Variants in NOX4 observed in about 807,000 individuals in gnomAD.
NOX4 encodes the protein NADPH oxidase 4, also known as kidney oxidase-1.
A neutral mutation model predicts 87.6 loss-of-function variants in NOX4; 69 were observed. The observed-to-expected ratio is 0.79, with a 90% confidence interval of 0.65 to 0.96. The LOEUF (loss-of-function observed/expected upper bound fraction) is 0.96. Among genes scored for constraint, NOX4 ranks in the 40% least tolerant of loss-of-function variants. NOX4 has a pLI of 0.00. For synonymous variants in NOX4, 275 were observed against 238.2 expected, an observed-to-expected ratio of 1.15 and a Z score of -1.42; for missense variants, 680 against 681.5, an observed-to-expected ratio of 1.00 and a Z score of 0.02.
intron 12 of NOX4, among the ~76,000 whole-genome samples, chr11:89,356,648 A>G (rs1938081826): frequency 6.6e-6 from 1 of 152,164 alleles, no homozygotes; most frequent in Non-Finnish European, 1.5e-5. Context: ...CACTCCCAGT[A>G]CAACTTGTGC....
intron 2 of NOX4, among the ~76,000 whole-genome samples, chr11:89,454,193 T>C (rs1565313377): frequency 6.6e-6 from 1 of 152,142 alleles, no homozygotes; most frequent in African/African-American, 2.4e-5. Flanking sequence ...TGTTTTAACC[T>C]TTTTCTCTAA....
At chr11:89,416,466 C>T (rs1480419896) in intron 8 of NOX4, among the ~76,000 whole-genome samples, 1 of 152,178 alleles carries the variant, frequency 6.6e-6, no homozygotes, top group African/African-American at 2.4e-5. Context: ...TATCAGCAGT[C>T]CTTAACACTT....
At chr11:89,579,857 T>C in the NOX4 span, among the ~76,000 whole-genome samples, 4 of 151,778 alleles carry the variant, frequency 2.6e-5, no homozygotes, top group Admixed American at 6.6e-5. Context: ...ATTATGAGTA[T>C]ACACCTATAG....
intron 15 of NOX4, among the ~76,000 whole-genome samples, chr11:89,338,928 C>A (rs1262169129): frequency 6.6e-6 from 1 of 152,124 alleles, no homozygotes; most frequent in Non-Finnish European, 1.5e-5. Flanking sequence ...AATCTCAGAA[C>A]CTGATGCTGG....
intron 7 of NOX4, among the ~76,000 whole-genome samples, chr11:89,425,248 T>C (rs1943312564): frequency 6.6e-6 from 1 of 151,884 alleles, no homozygotes; most frequent in Non-Finnish European, 1.5e-5. Context: ...TGTTAGTGAG[T>C]TGCCTTTCTG....
chr11:89,452,793 C>T (rs1174535090), intron 2 of NOX4, among the ~76,000 whole-genome samples: 3 of 152,062 alleles, frequency 2.0e-5, no homozygotes, highest in Admixed American at 2.0e-4. Flanking sequence ...GGGCTCACTG[C>T]AGCCCCTTCC....
chr11:89,392,220 C>A (rs1022505937), intron 11 of NOX4, among the ~76,000 whole-genome samples: 2 of 151,970 alleles, frequency 1.3e-5, no homozygotes, highest in African/African-American at 4.8e-5. Flanking sequence ...ACTGTACACA[C>A]CCAACCTCTT....
At chr11:89,562,248 A>G in the NOX4 span, among the ~76,000 whole-genome samples, 1 of 152,306 alleles carries the variant, frequency 6.6e-6, no homozygotes, top group Non-Finnish European at 1.5e-5. Context: ...GAGATATAGA[A>G]ATTAAAAATG....
At chr11:89,444,436 A>T (rs997733626) in intron 4 of NOX4, among the ~76,000 whole-genome samples, 5 of 151,636 alleles carry the variant, frequency 3.3e-5, no homozygotes, top group Admixed American at 2.6e-4. Flanking sequence ...GGCTGTAATG[A>T]AACAACCCTA....
chr11:89,517,460 A>ATTAT, the NOX4 span, among the ~76,000 whole-genome samples: 1 of 151,608 alleles, frequency 6.6e-6, no homozygotes, highest in Non-Finnish European at 1.5e-5. Flanking sequence ...TATTTCCTTT[A>ATTAT]TTATTTATTT....
intron 12 of NOX4, among the ~76,000 whole-genome samples, chr11:89,368,597 T>A (rs1021070986): frequency 1.8e-4 from 28 of 152,104 alleles, no homozygotes; most frequent in African/African-American, 6.5e-4. Flanking sequence ...ATCCCTTTCA[T>A]AAGGCACTAA....
At position 89,337,866 on chromosome 11, in the gene NOX4, T is replaced by C. The variant is rs1377534133; in HGVS notation, c.1447-351A>G. On this transcript the variant is annotated intron_variant, in intron 15 of 17. Coordinates refer to ENST00000263317, the MANE Select transcript of NOX4 (RefSeq NM_016931.5). ...CTTAAGAGTCTCAAAATTGTACCAG[T>C]TTACTCATCAAGAACATGATTTTCT... Among the ~76,000 whole-genome samples the C allele has an allele frequency of 5.9e-5, 9 of 152,138 alleles. No homozygotes were observed. The East Asian group carries it at 1.7e-3, about 29-fold the overall frequency.
At chr11:89,369,955 A>T (rs796791252) in intron 12 of NOX4, among the ~76,000 whole-genome samples, 1 of 152,014 alleles carries the variant, frequency 6.6e-6, no homozygotes, top group Non-Finnish European at 1.5e-5. Context: ...TAAACACGTA[A>T]CACATGTTCT....
intron 17 of NOX4, among the ~76,000 whole-genome samples, chr11:89,330,246 A>G (rs12799669): frequency 2.0e-5 from 3 of 152,014 alleles, no homozygotes; most frequent in Non-Finnish European, 4.4e-5. Context: ...CTACTCAGGA[A>G]ACTGAGGTGG....
the NOX4 span, among the ~76,000 whole-genome samples, chr11:89,505,370 T>A: frequency 6.6e-6 from 1 of 151,922 alleles, no homozygotes; most frequent in Non-Finnish European, 1.5e-5. Context: ...TAACATATAA[T>A]TAGAAACAGT....
rs1945181903 is a variant in NOX4, at chr11:89,325,279, A to ACCCGCCACCC, written c.*1476_*1477insGGGTGGCGGG. ...GTTGGGATTATAGGCACCCGCCACC[A>ACCCGCCACCC]CACCCGCCTAATATTTGTATTTTTA... is the stretch of plus-strand genomic sequence containing the variant. On this transcript the variant is annotated 3_prime_UTR_variant, in exon 18 of 18. Transcript: ENST00000263317. The ACCCGCCACCC allele has an allele frequency of 6.6e-6, 1 of 151,590 alleles. No homozygotes were observed. The highest frequency in any genetic ancestry group is 2.4e-5 in the African/African-American group (1 of 41,252). 9.4% of individuals were successfully genotyped at this position (151,590 alleles called of 1,614,324 possible). A position where few individuals can be genotyped will look rare whatever the true frequency, so the allele number is the denominator to read the frequency against.
At chr11:89,451,960 G>C in intron 2 of NOX4, 65 bp from the exon 3 acceptor site, 1 of 1,042,208 alleles carries the variant, frequency 9.6e-7, no homozygotes. Context: ...CCTGGCTCTA[G>C]AAGCTAGAGG....
intron 11 of NOX4, among the ~76,000 whole-genome samples, chr11:89,384,781 C>T (rs1201571656): frequency 4.6e-5 from 7 of 152,166 alleles, no homozygotes; most frequent in Admixed American, 1.3e-4. Flanking sequence ...AGAGCTGGGA[C>T]CGCACCCTGT....
chr11:89,384,068 C>T (rs1293832269), intron 11 of NOX4, among the ~76,000 whole-genome samples: 1 of 152,098 alleles, frequency 6.6e-6, no homozygotes, highest in East Asian at 1.9e-4. Flanking sequence ...TTACAATTCC[C>T]CATTTTACCT....
Sources: gnomAD v4.1 joint callset for allele counts (sites outside exome capture counted in the v4.1 genomes callset) on GRCh38, gnomAD v4.1.1 for gene constraint, MANE v1.5 for transcripts, NCBI Gene and HGNC (gene_info 2026-07-23, HGNC 2026-07-21) for gene names.